Variants in BDP1 observed in about 807,000 individuals in gnomAD.
The protein encoded by BDP1 is BDP1 general transcription factor IIIB subunit.
BDP1 carries 169 observed loss-of-function variants against 266.6 expected under a neutral mutation model. That is an observed-to-expected ratio of 0.63 (90% CI 0.56 to 0.72). The LOEUF is 0.72. Among genes scored for constraint, BDP1 ranks in the 30% least tolerant of loss-of-function variants. BDP1 has a pLI of 0.00. For missense variants in BDP1, 3,015 were observed against 3,053.8 expected (o/e 0.99, Z 0.30); for synonymous variants, 1,090 against 1,022.4 (o/e 1.07, Z -1.26).
At chr5:71,537,104 G>A (rs1040125602) in intron 26 of BDP1, among the ~76,000 whole-genome samples, 1 of 138,556 alleles carries the variant, frequency 7.2e-6, no homozygotes, top group Non-Finnish European at 1.5e-5. Flanking sequence ...CTCCAGCCTA[G>A]GCAACAGAGC....
intron 15 of BDP1, 62 bp from the exon 16 acceptor site, chr5:71,504,559 A>G (rs186120756): frequency 8.5e-5 from 123 of 1,448,488 alleles, no homozygotes; most frequent in Admixed American, 2.0e-4. Context: ...GACATTTTCA[A>G]TGAAATCTGT....
chr5:71,529,875 T>C (rs970885649), intron 25 of BDP1, among the ~76,000 whole-genome samples: 1 of 152,132 alleles, frequency 6.6e-6, no homozygotes, highest in Non-Finnish European at 1.5e-5. Flanking sequence ...AGAAAGTAGA[T>C]TAATGGTTGC....
intron 36 of BDP1, among the ~76,000 whole-genome samples, chr5:71,559,154 A>G (rs1743446051): frequency 6.6e-6 from 1 of 152,126 alleles, no homozygotes; most frequent in Non-Finnish European, 1.5e-5. Flanking sequence ...ACTCTGTCTC[A>G]AAAAAACAAA....
At position 71,504,696 on chromosome 5, in the gene BDP1, G is replaced by T; in HGVS notation, c.2317G>T (p.Asp773Tyr). 6.2e-7 allele frequency: 1 copy of T among 1,613,654 alleles called. No homozygotes were observed. The highest frequency in any genetic ancestry group is 1.1e-5 in the South Asian group (1 of 91,056). The change falls in exon 16 of 39, where the codon GAT becomes TAT. Residue 773 changes from aspartate (D) to tyrosine (Y), a missense_variant. Transcript: ENST00000358731. ...EDVILQPEKN[D>Y]SFQNVQPDEP... The stretch of plus-strand genomic sequence containing the variant: ...TGTCATATTACAGCCTGAGAAAAAT[G>T]ATTCTTTTCAAAATGTGCAGCCAGA...
chr5:71,506,758 T>TTATATATATATATATATATATA (rs67179518), intron 16 of BDP1, among the ~76,000 whole-genome samples: 25 of 135,856 alleles, frequency 1.8e-4, no homozygotes, highest in African/African-American at 5.9e-4. Flanking sequence ...GTTTGGAGGT[T>TTATATATATATATATATATATA]TATATATATA....
chr5:71,455,908 C>T lies in BDP1; in HGVS notation c.31C>T (p.Pro11Ser). The T allele has an allele frequency of 6.2e-7, 1 of 1,605,000 alleles. No individual in the cohort carries two copies. The highest frequency in any genetic ancestry group is 8.5e-7 in the Non-Finnish European group (1 of 1,176,070). MFRRARLSVK[P>S]NVRPGVGARG... ...CCGCAGGGCACGCCTTAGCGTGAAG[C>T]CGAATGTCAGGCCTGGTGTAGGCGC... Residue 11 changes from proline (P) to serine (S), a missense_variant, in exon 1 of 39, where the codon CCG (proline) becomes TCG (serine). By Grantham distance (74) the Pro-to-Ser change is moderately conservative (BLOSUM62 -1). Coordinates refer to ENST00000358731, the MANE Select transcript of BDP1 (RefSeq NM_018429.3).
At chr5:71,491,273 T>G in intron 11 of BDP1, 142 bp downstream of exon 11, 1 of 728,184 alleles carries the variant, frequency 1.4e-6, no homozygotes, top group Non-Finnish European at 2.2e-6. Context: ...TTTGAAGCTC[T>G]GTTGTTAGGT....
intron 25 of BDP1, among the ~76,000 whole-genome samples, chr5:71,524,954 A>G (rs1300640256): frequency 2.0e-5 from 3 of 151,610 alleles, no homozygotes; most frequent in East Asian, 3.9e-4. Context: ...GTTGGGGGTA[A>G]GGTCACAGAT....
downstream of BDP1, among the ~76,000 whole-genome samples, chr5:71,571,676 C>T (rs1744268637): frequency 6.6e-6 from 1 of 151,854 alleles, no homozygotes; most frequent in Admixed American, 6.6e-5. Context: ...CTCTTGTTGC[C>T]CAGGCTGGAG....
intron 19 of BDP1, among the ~76,000 whole-genome samples, chr5:71,514,096 T>C (rs1325986436): frequency 6.6e-6 from 1 of 152,156 alleles, no homozygotes; most frequent in East Asian, 1.9e-4. Context: ...TTAAAGGTGA[T>C]ATTTTATTTA....
intron 13 of BDP1, among the ~76,000 whole-genome samples, chr5:71,500,312 G>GTTT (rs1764150146): frequency 3.1e-5 from 2 of 64,264 alleles, no homozygotes; most frequent in African/African-American, 1.2e-4. Flanking sequence ...TTGTAATCTT[G>GTTT]TTTCTTTTTT....
chr5:71,535,942 GTCATATTCACA>G (rs1210617415), intron 26 of BDP1, among the ~76,000 whole-genome samples: 7 of 152,066 alleles, frequency 4.6e-5, no homozygotes, highest in African/African-American at 1.7e-4. Flanking sequence ...TTTAAATAAT[GTCATATTCACA>G]TTATTTGGGT....
the BDP1 span, among the ~76,000 whole-genome samples, chr5:71,574,514 C>T: frequency 1.2e-4 from 18 of 152,234 alleles, no homozygotes; most frequent in African/African-American, 2.2e-4. Flanking sequence ...TAGATCTACC[C>T]GCTAGAGAAA....
chr5:71,464,523 A>G (rs1456524235), intron 4 of BDP1, among the ~76,000 whole-genome samples: 4 of 151,676 alleles, frequency 2.6e-5, no homozygotes, highest in East Asian at 3.9e-4. Context: ...TGGTTGGGCT[A>G]TTGTTTTTGT....
At chr5:71,484,296 A>G (rs926415239) in intron 8 of BDP1, among the ~76,000 whole-genome samples, 13 of 152,194 alleles carry the variant, frequency 8.5e-5, no homozygotes, top group East Asian at 5.8e-4. Context: ...ACCACCTACT[A>G]TATGGTAGTC....
intron 25 of BDP1, among the ~76,000 whole-genome samples, chr5:71,531,612 G>T (rs929339593): frequency 6.6e-6 from 1 of 151,760 alleles, no homozygotes; most frequent in Non-Finnish European, 1.5e-5. Flanking sequence ...GGGTTCAAGC[G>T]ATTCTCCTGC....
chr5:71,494,264 T>C (rs1763750549), intron 11 of BDP1, among the ~76,000 whole-genome samples: 1 of 151,990 alleles, frequency 6.6e-6, no homozygotes, highest in African/African-American at 2.4e-5. Flanking sequence ...AAGAAAAAGG[T>C]ATGGCTAAAT....
intron 19 of BDP1, 55 bp downstream of exon 19, chr5:71,513,462 T>C: frequency 9.6e-7 from 1 of 1,044,072 alleles, no homozygotes; most frequent in Non-Finnish European, 1.4e-6. Context: ...TTTTTTAAGT[T>C]ATTAGGACTA....
chr5:71,535,609 A>G (rs1766547473), intron 26 of BDP1, among the ~76,000 whole-genome samples: 1 of 152,240 alleles, frequency 6.6e-6, no homozygotes, highest in African/African-American at 2.4e-5. Context: ...AAAACAAAAC[A>G]AAACAAATTT....
Sources: allele counts gnomAD v4.1 joint callset (sites outside exome capture counted in the v4.1 genomes callset), GRCh38; gene constraint gnomAD v4.1.1; transcripts MANE v1.5; gene names NCBI Gene and HGNC (gene_info 2026-07-23, HGNC 2026-07-21).